Variants in ZNF433 observed in about 807,000 individuals in gnomAD.
ZNF433 encodes the protein zinc finger protein 433.
ZNF433 carries 12 observed loss-of-function variants against 10.6 expected under a neutral mutation model. The observed-to-expected ratio is 1.13, with a 90% confidence interval of 0.72 to 1.83. ZNF433 has a LOEUF of 1.83. Ranked by LOEUF, ZNF433 falls within the 40% of genes most tolerant of loss-of-function variation. The pLI is 0.00. For missense variants in ZNF433, 737 were observed against 798.0 expected (o/e 0.92, Z 0.92); for synonymous variants, 272 against 271.3 (o/e 1.00, Z -0.02).
Position 12,016,645 on chromosome 19 carries a change from A to T in ZNF433, c.213T>A (p.Phe71Leu), listed in dbSNP as rs528143051. The T allele has an allele frequency of 2.5e-6, 4 of 1,613,870 alleles. No individual in the cohort carries two copies. The highest frequency in any genetic ancestry group is 3.4e-6 in the Non-Finnish European group (4 of 1,179,988). ...RNLRIVGERL[F>L]ESKEGHQHGE... ...CATGCTGATGACCTTCTTTACTTTC[A>T]AAGAGTCTCTCTCCCACAATTCTGT... Residue 71 changes from phenylalanine (F) to leucine (L), a missense_variant, in exon 4 of 4, where the codon TTT (phenylalanine) becomes TTA (leucine). By Grantham distance (22) the Phe-to-Leu change is conservative. Coordinates refer to ENST00000550507, the MANE Select transcript of ZNF433 (RefSeq NM_001308348.2).
In ZNF433 at chr19:12,035,574, G is replaced by T; in HGVS notation, c.-35C>A. ...TTCAGGTGACTCCCACGACCAGTGC[G>T]GGTCACAGCACAGGCGACAGAAGCT... On this transcript the variant is annotated 5_prime_UTR_variant, in exon 1 of 4. Coordinates refer to ENST00000550507, the MANE Select transcript of ZNF433 (RefSeq NM_001308348.2). The T allele has an allele frequency of 1.3e-6, 2 of 1,563,122 alleles. No homozygotes were observed. The highest frequency in any genetic ancestry group is 2.4e-5 in the East Asian group (1 of 41,646).
chr19:12,030,191 T>C (rs749086579), intron 1 of ZNF433: 2 of 445,918 alleles, frequency 4.5e-6, no homozygotes, highest in South Asian at 1.6e-5. Flanking sequence ...ACTTCCAGGC[T>C]TCCAGAACTG....
Position 12,015,098 on chromosome 19 carries a change from T to C in ZNF433, c.1760A>G (p.Tyr587Cys). ...AGACTTCCCACACTGCTTACATTCA[T>C]AGGGTTTCTCTCCAGTGTGAGTCCT... ...HGRTHTGEKP[Y>C]ECKQCGKSFG... is the part of the protein sequence containing the mutation. The change falls in exon 4 of 4, where the codon TAT becomes TGT. Residue 587 changes from tyrosine (Y) to cysteine (C), a missense_variant. Transcript: ENST00000550507. 6.2e-7 allele frequency: 1 copy of C among 1,614,114 alleles called. No homozygotes were observed. The highest frequency in any genetic ancestry group is 1.1e-5 in the South Asian group (1 of 91,080).
chr19:12,033,066 C>G (rs1975107016), intron 1 of ZNF433, among the ~76,000 whole-genome samples: 1 of 151,960 alleles, frequency 6.6e-6, no homozygotes, highest in African/African-American at 2.4e-5. Context: ...GCACTGTGCC[C>G]CTGTGTGCCC....
intron 1 of ZNF433, among the ~76,000 whole-genome samples, chr19:12,030,516 G>A (rs1049118399): frequency 2.0e-5 from 3 of 152,106 alleles, no homozygotes; most frequent in East Asian, 1.9e-4. Flanking sequence ...CACCATGCCC[G>A]GCCTAGAAAT....
chr19:12,015,765 A>G lies in ZNF433; in HGVS notation c.1093T>C (p.Cys365Arg), dbSNP rs773656693. The change falls in exon 4 of 4, where the codon TGT (cysteine) becomes CGT (arginine). Residue 365 changes from cysteine to arginine, a missense_variant. Cys to Arg is a radical substitution (Grantham distance 180, BLOSUM62 -3). Transcript: ENST00000550507. ...GMHTGEISHK[C>R]KICGKAFYSP... The stretch of plus-strand genomic sequence containing the variant: ...TAAAAGGCTTTCCCACATATCTTAC[A>G]TTTATGAGATATCTCTCCAGTGTGC... 17 of 1,613,824 alleles carry G rather than the reference A, an allele frequency of 1.1e-5. No individual in the cohort carries two copies. Among genetic ancestry groups the G allele is most frequent in the Admixed American group, 1.7e-5 (1 of 59,962 alleles).
At chr19:12,024,227 T>C (rs1974631275) in intron 1 of ZNF433, 1 of 152,240 alleles carries the variant, frequency 6.6e-6, no homozygotes, top group Admixed American at 6.5e-5. Flanking sequence ...AATTCAGTTA[T>C]ATAACCTATG....
Position 12,015,244 on chromosome 19 carries a change from T to C in ZNF433, c.1614A>G (p.Lys538=). The part of the protein sequence containing the change: ...EKPYECKQCG[K]AFRSASQLQI... ...GAAGCTGTGAGGCAGATCTGAAGGC[T>C]TTTCCACATTGCTTGCATTCATAGG... The change falls in exon 4 of 4, where the codon AAA becomes AAG. Residue 538 remains lysine, a synonymous_variant. Transcript: ENST00000550507. The C allele has an allele frequency of 2.5e-6, 4 of 1,613,584 alleles. No individual in the cohort carries two copies. Among genetic ancestry groups the C allele is most frequent in the South Asian group, 1.1e-5 (1 of 91,054 alleles).
chr19:12,022,951 C>T (rs1271939795), intron 1 of ZNF433, among the ~76,000 whole-genome samples: 1 of 152,174 alleles, frequency 6.6e-6, no homozygotes, highest in Non-Finnish European at 1.5e-5. Flanking sequence ...TCTATTCAGG[C>T]AGGAATTCAC....
At chr19:12,020,839 G>A (rs1456830929) in intron 1 of ZNF433, among the ~76,000 whole-genome samples, 2 of 151,666 alleles carry the variant, frequency 1.3e-5, no homozygotes, top group Admixed American at 6.6e-5. Context: ...GGGAGGCGGA[G>A]GTTGCTGTGA....
Position 12,026,563 on chromosome 19 carries a change from A to C in ZNF433, c.4-8271T>G, listed in dbSNP as rs150231521. 68 of 368,962 alleles carry C rather than the reference A, an allele frequency of 1.8e-4. No individual in the cohort carries two copies. In the East Asian group the frequency reaches 4.6e-3, roughly 25 times the overall value. The allele number at this position is 368,962 out of a possible 1,614,324, so 22.9% of individuals were successfully genotyped here. On this transcript the variant is annotated intron_variant, in intron 1 of 3. Coordinates refer to ENST00000550507, the MANE Select transcript of ZNF433 (RefSeq NM_001308348.2). The stretch of plus-strand genomic sequence containing the variant: ...TGGCTGGCAATAATGCCTGGATGTG[A>C]TCACTCTATGACACAGTTACACATG...
rs776680932 is a variant in ZNF433 at position 12,015,999 on chromosome 19, C to T, written c.859G>A (p.Ala287Thr). Residue 287 changes from alanine to threonine, a missense_variant, in exon 4 of 4, where the codon GCC (alanine) becomes ACC (threonine). Coordinates refer to ENST00000550507, the MANE Select transcript of ZNF433 (RefSeq NM_001308348.2). ...TGAAAGGAATGGGAAGAGCTGAAGG[C>T]TTTCCCACACTGTTTACATTCATAT... ...KPYECKQCGK[A>T]FSSSHSFQIH... 5.6e-6 allele frequency: 9 copies of T among 1,614,082 alleles called. No individual in the cohort carries two copies. Among genetic ancestry groups the T allele is most frequent in the Non-Finnish European group, 7.6e-6 (9 of 1,179,936 alleles).
At position 12,015,143 on chromosome 19, in the gene ZNF433, G is replaced by A; in HGVS notation, c.1715C>T (p.Ser572Leu). 1.2e-6 allele frequency: 2 copies of A among 1,613,692 alleles called. No individual in the cohort carries two copies. Among genetic ancestry groups the A allele is most frequent in the Non-Finnish European group, 1.7e-6 (2 of 1,179,832 alleles). The change falls in exon 4 of 4, where the codon TCA (serine) becomes TTA (leucine). Residue 572 changes from serine to leucine, a missense_variant. Coordinates refer to ENST00000550507, the MANE Select transcript of ZNF433 (RefSeq NM_001308348.2). ...AGTCCTTCCATGCATTTGAAGGTGT[G>A]AGGCAGATCCAAAGGCTTTCCCACA... ...KQCGKAFGSA[S>L]HLQMHGRTHT...
At chr19:12,020,562 G>A (rs910002540) in intron 1 of ZNF433, among the ~76,000 whole-genome samples, 37 of 152,284 alleles carry the variant, frequency 2.4e-4, no homozygotes, top group African/African-American at 7.7e-4. Flanking sequence ...CCTTTCGAGA[G>A]AGGAGTGAGT....
chr19:12,025,013 TTAAC>T (rs1413612164), intron 1 of ZNF433: 1 of 152,246 alleles, frequency 6.6e-6, no homozygotes, highest in Non-Finnish European at 1.5e-5. Flanking sequence ...ATTTTTGAAA[TTAAC>T]TAATTGGATT....
At chr19:12,021,763 T>C (rs1974505000) in intron 1 of ZNF433, among the ~76,000 whole-genome samples, 1 of 152,190 alleles carries the variant, frequency 6.6e-6, no homozygotes, top group South Asian at 2.1e-4. Flanking sequence ...GATAATAGGC[T>C]CTCTCCCTGT....
intron 1 of ZNF433, among the ~76,000 whole-genome samples, chr19:12,031,892 A>C (rs1012016545): frequency 2.0e-5 from 3 of 151,562 alleles, no homozygotes; most frequent in Admixed American, 2.0e-4. Flanking sequence ...AAAAAAAAAA[A>C]AAAAAGTCCT....
At chr19:12,029,998 C>G (rs959367676) in intron 1 of ZNF433, 1 of 213,208 alleles carries the variant, frequency 4.7e-6, no homozygotes, top group Non-Finnish European at 9.3e-6. Flanking sequence ...AGGAGAATTG[C>G]TTGAATCCCA....
chr19:12,030,054 C>A (rs1974934553), intron 1 of ZNF433: 1 of 322,584 alleles, frequency 3.1e-6, no homozygotes, highest in Non-Finnish European at 5.8e-6. Flanking sequence ...TGCACTCCAG[C>A]CTGGGTGACA....
Sources: gnomAD v4.1 joint callset for allele counts (sites outside exome capture counted in the v4.1 genomes callset) on GRCh38, gnomAD v4.1.1 for gene constraint, MANE v1.5 for transcripts, NCBI Gene and HGNC (gene_info 2026-07-23, HGNC 2026-07-21) for gene names.